EXOC6B: variants seen among roughly 807,000 people sequenced by gnomAD.
EXOC6B encodes the protein exocyst complex component 6B.
Under a neutral mutation model 113.5 loss-of-function variants are expected in EXOC6B, and 54 were observed. The observed-to-expected ratio is 0.48, with a 90% CI of 0.38 to 0.60. The LOEUF is 0.60. Among genes scored for constraint, EXOC6B ranks in the 20% least tolerant of loss-of-function variants. The pLI, the probability that EXOC6B is intolerant of heterozygous loss-of-function variation, is 0.00. For synonymous variants in EXOC6B, 357 were observed against 339.0 expected (o/e 1.05, Z -0.58); for missense variants, 797 against 977.5 (o/e 0.82, Z 2.46).
chr2:72,449,256 C>T (rs940786766), intron 18 of EXOC6B, among the ~76,000 whole-genome samples: 14 of 151,890 alleles, frequency 9.2e-5, no homozygotes, highest in South Asian at 8.3e-4. Flanking sequence ...GATCTCGGCT[C>T]GCTGCAAGCT....
intron 13 of EXOC6B, among the ~76,000 whole-genome samples, chr2:72,497,913 T>C (rs1326741600): frequency 6.6e-6 from 1 of 152,210 alleles, no homozygotes; most frequent in Non-Finnish European, 1.5e-5. Context: ...TTTCTTATTA[T>C]TGTATGCATG....
At position 72,558,117 on chromosome 2, in the gene EXOC6B, A is replaced by G. The variant is rs74541098; in HGVS notation, c.915+1336T>C. Among the ~76,000 whole-genome samples the G allele has an allele frequency of 5.9e-3, 895 of 152,270 alleles. 4 individuals are homozygous for G. The highest frequency in any genetic ancestry group is 0.02 in the African/African-American group (816 of 41,550). ...AATTCTAATGCCTCTCCACTGTTAC[A>G]TGATTCTAGTATGGACATTTAAACC... On this transcript the variant is annotated intron_variant, in intron 8 of 21. Transcript: ENST00000272427.
chr2:72,360,543 C>A (rs1389448116), intron 19 of EXOC6B, among the ~76,000 whole-genome samples: 1 of 152,094 alleles, frequency 6.6e-6, no homozygotes, highest in African/African-American at 2.4e-5. Flanking sequence ...CTAGTGTCTG[C>A]TGATCAATTT....
intron 8 of EXOC6B, among the ~76,000 whole-genome samples, chr2:72,527,069 T>C (rs920054608): frequency 6.6e-6 from 1 of 152,070 alleles, no homozygotes; most frequent in African/African-American, 2.4e-5. Flanking sequence ...TCTCCATCTC[T>C]ACTTCCTAAT....
intron 20 of EXOC6B, among the ~76,000 whole-genome samples, chr2:72,284,884 C>A (rs1393443269): frequency 6.6e-6 from 1 of 151,892 alleles, no homozygotes; most frequent in African/African-American, 2.4e-5. Flanking sequence ...TATATAAGCA[C>A]CCCCAGAATG....
chr2:72,710,059 C>T (rs1206219502), intron 6 of EXOC6B, among the ~76,000 whole-genome samples: 3 of 152,010 alleles, frequency 2.0e-5, no homozygotes, highest in South Asian at 2.1e-4. Flanking sequence ...GTACCACCAC[C>T]GTGCCCAGCT....
chr2:72,311,637 T>G (rs1344486477), intron 20 of EXOC6B, among the ~76,000 whole-genome samples: 1 of 152,116 alleles, frequency 6.6e-6, no homozygotes, highest in Admixed American at 6.6e-5. Context: ...AAAATCTCTT[T>G]TACCCTATAA....
At chr2:72,339,097 A>T (rs1688875244) in intron 19 of EXOC6B, among the ~76,000 whole-genome samples, 2 of 152,078 alleles carry the variant, frequency 1.3e-5, no homozygotes, top group Non-Finnish European at 2.9e-5. Flanking sequence ...AAATTCTCAG[A>T]TGCTGCTTGA....
Position 72,741,440 on chromosome 2 carries a change from C to T in EXOC6B, c.143G>A (p.Arg48His), listed in dbSNP as rs202039770. 1 of 1,613,202 alleles carries T rather than the reference C, an allele frequency of 6.2e-7. No homozygotes were observed. The highest frequency in any genetic ancestry group is 1.3e-5 in the African/African-American group (1 of 74,878). Reference protein sequence around the residue: ...RSVYDGEEHGRFMEKLETRIR... With the variant: ...RSVYDGEEHGHFMEKLETRIR... ...ACGAGTTTCAAGCTTCTCCATGAAA[C>T]GTCCATGTTCTTCACCATCATAAAC... The change falls in exon 2 of 22, where the codon CGT (arginine) becomes CAT (histidine). Residue 48 changes from arginine (R) to histidine (H), a missense_variant. Coordinates refer to ENST00000272427, the MANE Select transcript of EXOC6B (RefSeq NM_015189.3).
intron 6 of EXOC6B, among the ~76,000 whole-genome samples, chr2:72,714,904 A>C (rs955414337): frequency 8.5e-5 from 13 of 152,188 alleles, no homozygotes; most frequent in Admixed American, 3.3e-4. Flanking sequence ...TGGAAAGAAA[A>C]AGATGAGATG....
chr2:72,772,961 T>C (rs1052635183), intron 1 of EXOC6B, among the ~76,000 whole-genome samples: 18 of 151,974 alleles, frequency 1.2e-4, no homozygotes, highest in African/African-American at 3.9e-4. Flanking sequence ...CTACGAACTG[T>C]CTGAAAAAGA....
intron 18 of EXOC6B, among the ~76,000 whole-genome samples, chr2:72,449,946 ATCTCTG>A (rs982411190): frequency 1.3e-5 from 2 of 152,214 alleles, no homozygotes; most frequent in Non-Finnish European, 2.9e-5. Context: ...ACTCTTATTT[ATCTCTG>A]TCTAACTTCT....
intron 18 of EXOC6B, among the ~76,000 whole-genome samples, chr2:72,434,350 A>T (rs1695727566): frequency 6.6e-6 from 1 of 152,198 alleles, no homozygotes; most frequent in Non-Finnish European, 1.5e-5. Context: ...CATCAAGGAT[A>T]TTGACCTGAA....
At chr2:72,430,451 C>T (rs1695458519) in intron 18 of EXOC6B, among the ~76,000 whole-genome samples, 1 of 152,184 alleles carries the variant, frequency 6.6e-6, no homozygotes, top group South Asian at 2.1e-4. Flanking sequence ...GCCTGGCCAA[C>T]ATGGTGAAAC....
At chr2:72,290,913 A>G (rs1685743389) in intron 20 of EXOC6B, among the ~76,000 whole-genome samples, 1 of 152,152 alleles carries the variant, frequency 6.6e-6, no homozygotes, top group East Asian at 1.9e-4. Context: ...AAATGTATGA[A>G]TATTATATTG....
At chr2:72,490,118 T>C (rs558992626) in intron 16 of EXOC6B, among the ~76,000 whole-genome samples, 165 of 152,228 alleles carry the variant, frequency 1.1e-3, no homozygotes, top group African/African-American at 3.9e-3. Context: ...TAAAACAATA[T>C]CCATGTTACT....
intron 18 of EXOC6B, among the ~76,000 whole-genome samples, chr2:72,402,781 G>T (rs929601443): frequency 1.3e-5 from 2 of 151,976 alleles, no homozygotes; most frequent in African/African-American, 4.8e-5. Flanking sequence ...CCTTTCAATG[G>T]GGTTTGCTTT....
At chr2:72,631,142 T>C (rs927659110) in intron 6 of EXOC6B, among the ~76,000 whole-genome samples, 2 of 151,988 alleles carry the variant, frequency 1.3e-5, no homozygotes, top group African/African-American at 4.8e-5. Flanking sequence ...CGCTCACTGA[T>C]AGTTCTAAAG....
chr2:72,500,027 T>A, intron 11 of EXOC6B, 55 bp from the exon 12 acceptor site: 1 of 1,154,414 alleles, frequency 8.7e-7, no homozygotes. Context: ...AAAATGCAAT[T>A]AAATTTTTAT....
Sources: gnomAD v4.1 joint callset for allele counts (sites outside exome capture counted in the v4.1 genomes callset) on GRCh38, gnomAD v4.1.1 for gene constraint, MANE v1.5 for transcripts, NCBI Gene and HGNC (gene_info 2026-07-23, HGNC 2026-07-21) for gene names.